The following UVRAG variants were observed in gnomAD, a reference collection of about 807,000 sequenced individuals.
UVRAG encodes the protein UV radiation resistance associated.
UVRAG carries 19 observed loss-of-function variants against 78.0 expected under a neutral mutation model. The observed-to-expected ratio is 0.24, with a 90% CI of 0.17 to 0.36. UVRAG has a LOEUF of 0.36. UVRAG is among the 10% of genes least tolerant of loss of function. The pLI is 1.00. For missense variants in UVRAG, 740 were observed against 853.8 expected (o/e 0.87, Z 1.66); for synonymous variants, 323 against 324.6 (o/e 1.00, Z 0.05).
intron 7 of UVRAG, among the ~76,000 whole-genome samples, chr11:75,971,718 C>T (rs1949125489): frequency 1.3e-5 from 2 of 151,570 alleles, no homozygotes; most frequent in South Asian, 2.1e-4. Context: ...TAGAGTCTCG[C>T]TCTTTCACTC....
At chr11:75,912,948 T>C (rs900874312) in intron 6 of UVRAG, among the ~76,000 whole-genome samples, 43 of 152,374 alleles carry the variant, frequency 2.8e-4, no homozygotes, top group African/African-American at 1.9e-4. Context: ...AGTAACCATA[T>C]ACATTTTCTG....
Position 76,112,676 on chromosome 11 carries a change from T to C in UVRAG, c.1306-3248T>C, listed in dbSNP as rs114799051. Among the ~76,000 whole-genome samples the C allele has an allele frequency of 3.5e-3, 530 of 152,272 alleles. 3 individuals are homozygous for C. The highest frequency in any genetic ancestry group is 0.013 in the African/African-American group (521 of 41,554). ...GGACTTGATCAATTTTATGGTGTGT[T>C]TAGTTAGATTGAGAAGAGTTTTAAG... On this transcript the variant is annotated intron_variant, in intron 13 of 14. Coordinates refer to ENST00000356136, the MANE Select transcript of UVRAG (RefSeq NM_003369.4).
At chr11:76,003,161 G>T (rs1021033292) in intron 8 of UVRAG, among the ~76,000 whole-genome samples, 1 of 148,608 alleles carries the variant, frequency 6.7e-6, no homozygotes, top group South Asian at 2.1e-4. Context: ...GTTAAATTTT[G>T]TACAGCCATA....
intron 6 of UVRAG, among the ~76,000 whole-genome samples, chr11:75,912,981 A>G (rs17134444): frequency 0.067 from 10,202 of 152,266 alleles, 486 homozygotes; most frequent in African/African-American, 0.14. Context: ...TGCTTGAGAG[A>G]TGCCTACACC....
At chr11:75,828,345 C>T (rs1277432519) in intron 1 of UVRAG, among the ~76,000 whole-genome samples, 1 of 151,320 alleles carries the variant, frequency 6.6e-6, no homozygotes, top group East Asian at 1.9e-4. Flanking sequence ...CCGTGCTATG[C>T]ACCTGTAATC....
At chr11:75,860,289 T>G (rs1229184324) in intron 2 of UVRAG, among the ~76,000 whole-genome samples, 1 of 152,260 alleles carries the variant, frequency 6.6e-6, no homozygotes, top group Non-Finnish European at 1.5e-5. Flanking sequence ...ACCACTCATC[T>G]TAGAGCTAGA....
chr11:76,089,613 A>G (rs1306469198), intron 13 of UVRAG, among the ~76,000 whole-genome samples: 1 of 152,226 alleles, frequency 6.6e-6, no homozygotes, highest in Non-Finnish European at 1.5e-5. Flanking sequence ...GTTTTATAAA[A>G]TTATACATGC....
Position 76,004,039 on chromosome 11 carries a change from A to G in UVRAG, c.861A>G (p.Gln287=), listed in dbSNP as rs1229536163. 2 of 1,614,016 alleles carry G rather than the reference A, an allele frequency of 1.2e-6. No homozygotes were observed. The highest frequency in any genetic ancestry group is 2.2e-5 in the South Asian group (2 of 91,082). ...TTTCAGCTGAGCACCTCAAACTTCA[A>G]CTCCAGAAGGAATCCCTAAATGAGC... ...SAFSAEHLKL[Q]LQKESLNELR... Residue 287 remains glutamine (Q), a synonymous_variant, in exon 9 of 15, where the codon CAA becomes CAG. Transcript: ENST00000356136.
chr11:76,003,131 C>T (rs1949850561), intron 8 of UVRAG, among the ~76,000 whole-genome samples: 1 of 151,844 alleles, frequency 6.6e-6, no homozygotes, highest in African/African-American at 2.4e-5. Context: ...TGAAATATTC[C>T]TGTAATTCAC....
intron 6 of UVRAG, among the ~76,000 whole-genome samples, chr11:75,958,448 C>A (rs1431045162): frequency 6.6e-6 from 1 of 152,156 alleles, no homozygotes; most frequent in African/African-American, 2.4e-5. Context: ...TCTCAAAAAA[C>A]CACTTTTCTT....
At chr11:76,010,001 G>T (rs561923491) in intron 11 of UVRAG, among the ~76,000 whole-genome samples, 8 of 152,286 alleles carry the variant, frequency 5.3e-5, no homozygotes, top group Admixed American at 2.0e-4. Flanking sequence ...ATGGTATTCA[G>T]TGACTTGCTT....
At chr11:75,894,766 C>T (rs1006093974) in intron 5 of UVRAG, among the ~76,000 whole-genome samples, 2 of 145,162 alleles carry the variant, frequency 1.4e-5, no homozygotes, top group Non-Finnish European at 3.0e-5. Flanking sequence ...GAGTTTGAGA[C>T]CAGCCTGGGC....
intron 13 of UVRAG, among the ~76,000 whole-genome samples, chr11:76,099,403 T>C (rs900544270): frequency 7.9e-5 from 12 of 152,162 alleles, no homozygotes; most frequent in African/African-American, 2.9e-4. Context: ...GATAATTGAA[T>C]GAATTAATAT....
intron 8 of UVRAG, among the ~76,000 whole-genome samples, chr11:75,986,389 A>G (rs971046280): frequency 2.0e-5 from 3 of 151,954 alleles, no homozygotes; most frequent in Non-Finnish European, 4.4e-5. Context: ...TTTAAGTGGT[A>G]TTAGTATTTA....
Position 75,966,745 on chromosome 11 carries a change from A to T in UVRAG, c.699+5196A>T, listed in dbSNP as rs1949031813. Among the ~76,000 whole-genome samples, 3 of 152,286 alleles carry T rather than the reference A, an allele frequency of 2.0e-5. No homozygotes were observed. The South Asian group carries it at 6.2e-4, about 32-fold the overall frequency. On this transcript the variant is annotated intron_variant, in intron 7 of 14. Coordinates refer to ENST00000356136, the MANE Select transcript of UVRAG (RefSeq NM_003369.4). ...TGTTACTTTGTTCCAAAAAATGTTG[A>T]TGTTTTTATTTTAGCAGGTAGTTAA... is the stretch of plus-strand genomic sequence containing the variant.
chr11:75,958,272 G>A (rs1237161774), intron 6 of UVRAG, among the ~76,000 whole-genome samples: 5 of 152,150 alleles, frequency 3.3e-5, no homozygotes, highest in African/African-American at 1.2e-4. Flanking sequence ...TGTATCATGC[G>A]ATGCTGTTTG....
At chr11:75,851,765 G>A (rs896590956) in intron 1 of UVRAG, 118 bp from the exon 2 acceptor site, 1 of 776,702 alleles carries the variant, frequency 1.3e-6, no homozygotes, top group Non-Finnish European at 2.2e-6. Context: ...ATGGTTTCTG[G>A]CTCAATAAAT....
chr11:75,888,998 T>C lies in UVRAG; in HGVS notation c.507+95T>C. 3 of 1,011,282 alleles carry C rather than the reference T, an allele frequency of 3.0e-6. No individual in the cohort carries two copies. In the South Asian group the frequency reaches 6.0e-5, roughly 20 times the overall value. The allele number at this position is 1,011,282 out of a possible 1,614,324, so 62.6% of individuals were successfully genotyped here. A position where few individuals can be genotyped will look rare whatever the true frequency, so the allele number is the denominator to read the frequency against. On this transcript the variant is annotated intron_variant, in intron 5 of 14. Transcript: ENST00000356136. Reference sequence around the variant, plus strand: ...TATAATCCTGAAAACTCTGTGTAAATAGAATCATGCTTTAAATTTGTTGCT... The same window carrying C: ...TATAATCCTGAAAACTCTGTGTAAACAGAATCATGCTTTAAATTTGTTGCT...
At position 75,815,498 on chromosome 11, in the gene UVRAG, C is replaced by G; in HGVS notation, c.91C>G (p.Leu31Val). ...GCCTCCCGGTTCTGCCGCGCGGGCCCTGCATGTGGAGCTGCCGTCTCAGCA... is the reference window on the plus strand; with the variant it reads ...GCCTCCCGGTTCTGCCGCGCGGGCCGTGCATGTGGAGCTGCCGTCTCAGCA... ...ALPPGSAARALHVELPSQQRR... is the reference protein window; with the variant it reads ...ALPPGSAARAVHVELPSQQRR... The change falls in exon 1 of 15, where the codon CTG becomes GTG. Residue 31 changes from leucine (L) to valine (V), a missense_variant. Physicochemically the swap from Leu to Val is conservative, Grantham distance 32. Transcript: ENST00000356136. The G allele has an allele frequency of 8.1e-7, 1 of 1,241,480 alleles. No homozygotes were observed. Among genetic ancestry groups the G allele is most frequent in the Non-Finnish European group, 1.0e-6 (1 of 992,166 alleles). 76.9% of individuals were successfully genotyped at this position (1,241,480 alleles called of 1,614,324 possible).
Sources: gnomAD v4.1 joint callset for allele counts (sites outside exome capture counted in the v4.1 genomes callset) on GRCh38, gnomAD v4.1.1 for gene constraint, MANE v1.5 for transcripts, NCBI Gene and HGNC (gene_info 2026-07-23, HGNC 2026-07-21) for gene names.